The following TECRL variants were observed in gnomAD, a reference collection of about 807,000 sequenced individuals.
TECRL encodes trans-2,3-enoyl-CoA reductase like.
A neutral mutation model predicts 52.8 loss-of-function variants in TECRL; 63 were observed. That is an observed-to-expected ratio of 1.19 (90% CI 0.97 to 1.47). The LOEUF is 1.47. TECRL is among the 40% of genes most tolerant of loss of function. TECRL has a pLI of 0.00. For missense variants in TECRL, 482 were observed against 429.6 expected (o/e 1.12, Z -1.08); for synonymous variants, 164 against 141.9 (o/e 1.16, Z -1.10).
Position 64,382,833 on chromosome 4 carries a change from G to T in TECRL, c.235-7610C>A, listed in dbSNP as rs371282536. ...TGCAGTTTGGTGGTTTTCTGTAGCG[G>T]TAACATTTGAGTCCCTCCCTTTCTT... On this transcript the variant is annotated intron_variant, in intron 1 of 11. Transcript: ENST00000381210. 4.6e-5 allele frequency among the ~76,000 whole-genome samples: 7 copies of T among 151,944 alleles called. No homozygotes were observed. In the East Asian group the frequency reaches 1.2e-3, roughly 25 times the overall value.
intron 2 of TECRL, among the ~76,000 whole-genome samples, chr4:64,362,083 A>G (rs559079249): frequency 2.3e-4 from 35 of 152,310 alleles, no homozygotes; most frequent in African/African-American, 8.4e-4. Flanking sequence ...AATATAATTG[A>G]CCAAGCTGAG....
In TECRL at chr4:64,335,967, C is replaced by CT. The variant is rs200178106; in HGVS notation, c.287-7412dup. ...ATCGATGTTCATCATGGATATTGGT[C>CT]TTTTTTTTTGGTTGTTGTGTCTCTG... On this transcript the variant is annotated intron_variant, in intron 2 of 11. Coordinates refer to ENST00000381210, the MANE Select transcript of TECRL (RefSeq NM_001010874.5). Among the ~76,000 whole-genome samples the CT allele has an allele frequency of 4.7e-3, 710 of 151,024 alleles. 26 individuals carry two copies. The East Asian group carries it at 0.079, about 17-fold the overall frequency.
chr4:64,286,863 G>C (rs1382334762), intron 9 of TECRL, among the ~76,000 whole-genome samples: 2 of 152,160 alleles, frequency 1.3e-5, no homozygotes, highest in Non-Finnish European at 2.9e-5. Context: ...AAATGAAGAA[G>C]CTTGAGTTGA....
Position 64,305,021 on chromosome 4 carries a change from C to T in TECRL, c.730+145G>A, listed in dbSNP as rs1459520181. 9.1e-6 allele frequency: 5 copies of T among 551,936 alleles called. No individual in the cohort carries two copies. In the South Asian group the frequency reaches 1.4e-4, roughly 16 times the overall value. 34.2% of individuals were successfully genotyped at this position (551,936 alleles called of 1,614,324 possible). On this transcript the variant is annotated intron_variant, in intron 7 of 11. Transcript: ENST00000381210. Reference sequence around the variant, plus strand: ...GAGTCAAATTGGTCTTGTAGGCCTACATAAACATTTAAAGAAATATGATAT... The same window carrying T: ...GAGTCAAATTGGTCTTGTAGGCCTATATAAACATTTAAAGAAATATGATAT...
chr4:64,401,735 A>C (rs1315662317), intron 1 of TECRL, among the ~76,000 whole-genome samples: 2 of 152,208 alleles, frequency 1.3e-5, no homozygotes, highest in Non-Finnish European at 2.9e-5. Flanking sequence ...CTCTTGACAT[A>C]GTCACCACTT....
chr4:64,281,408 AC>A lies in TECRL; in HGVS notation c.918+65del, dbSNP rs1240184135. On this transcript the variant is annotated intron_variant, in intron 10 of 11. Transcript: ENST00000381210. Reference sequence around the variant, plus strand: ...ATATTAATTTATAATACATGTAAATACATAAGCACATGCATTTAGTATATCA... The same window carrying A: ...ATATTAATTTATAATACATGTAAATAATAAGCACATGCATTTAGTATATCA... The A allele has an allele frequency of 5.2e-5, 48 of 927,496 alleles. No homozygotes were observed. In the East Asian group the frequency reaches 1.2e-3, roughly 23 times the overall value. The allele number at this position is 927,496 out of a possible 1,614,324, so 57.5% of individuals were successfully genotyped here. A position where few individuals can be genotyped will look rare whatever the true frequency, so the allele number is the denominator to read the frequency against.
rs554653445 is a variant in TECRL, at chr4:64,394,693, G to A, written c.234+14425C>T. On this transcript the variant is annotated intron_variant, in intron 1 of 11. Transcript: ENST00000381210. ...GTCCTTAACCACTATACTACACTAC[G>A]TGGTGGAGGAGAGTAAAATGGAAAT... Among the ~76,000 whole-genome samples, 91 of 152,180 alleles carry A rather than the reference G, an allele frequency of 6.0e-4. No homozygotes were observed. The South Asian group carries it at 0.011, about 19-fold the overall frequency.
chr4:64,379,579 C>T (rs1364550343), intron 1 of TECRL, among the ~76,000 whole-genome samples: 1 of 152,076 alleles, frequency 6.6e-6, no homozygotes, highest in African/African-American at 2.4e-5. Context: ...GTAGAAGCTA[C>T]TTCTGTTATC....
chr4:64,328,170 A>G (rs1718389064), intron 3 of TECRL, among the ~76,000 whole-genome samples: 1 of 151,978 alleles, frequency 6.6e-6, no homozygotes, highest in South Asian at 2.1e-4. Flanking sequence ...AAGAAAAAGA[A>G]AAAATTGAAA....
chr4:64,383,645 T>C (rs1296166771), intron 1 of TECRL, among the ~76,000 whole-genome samples: 4 of 152,010 alleles, frequency 2.6e-5, no homozygotes, highest in Non-Finnish European at 4.4e-5. Context: ...ATTACAAATG[T>C]TTTTCTGATT....
chr4:64,276,998 G>A, downstream of TECRL: 1 of 1,459,492 alleles, frequency 6.9e-7, no homozygotes, highest in South Asian at 1.3e-5. Context: ...TTGACAACAA[G>A]ATGGTGTAAA....
In TECRL at chr4:64,312,593, C is replaced by G. The variant is rs188310670; in HGVS notation, c.551+2055G>C. On this transcript the variant is annotated intron_variant, in intron 5 of 11. Transcript: ENST00000381210. The stretch of plus-strand genomic sequence containing the variant: ...CCTGGGCAACATAATGAGACTTCAT[C>G]TCTAAAATTTTTTTTTAAGCATTAG... 1.8e-3 allele frequency among the ~76,000 whole-genome samples: 269 copies of G among 151,982 alleles called. 4 individuals are homozygous for G. Among genetic ancestry groups the G allele is most frequent in the African/African-American group, 6.0e-3 (248 of 41,478 alleles).
intron 6 of TECRL, among the ~76,000 whole-genome samples, chr4:64,307,470 C>G (rs1479721458): frequency 6.6e-6 from 1 of 152,140 alleles, no homozygotes; most frequent in Non-Finnish European, 1.5e-5. Flanking sequence ...CCAGAGGATA[C>G]AAGGACGAGG....
chr4:64,391,591 A>G (rs536527297), intron 1 of TECRL, among the ~76,000 whole-genome samples: 20 of 151,976 alleles, frequency 1.3e-4, no homozygotes, highest in Admixed American at 3.9e-4. Flanking sequence ...CATTCTTTTG[A>G]TACAACTTTA....
At chr4:64,320,304 A>T (rs1483901132) in intron 4 of TECRL, among the ~76,000 whole-genome samples, 3 of 151,928 alleles carry the variant, frequency 2.0e-5, no homozygotes, top group Admixed American at 1.3e-4. Context: ...TTTCCCTATT[A>T]TATTATTTAT....
intron 3 of TECRL, among the ~76,000 whole-genome samples, chr4:64,325,244 A>G (rs950846868): frequency 4.6e-5 from 7 of 152,160 alleles, no homozygotes; most frequent in Non-Finnish European, 8.8e-5. Flanking sequence ...CATAAAATGC[A>G]AAAGGGTGCT....
At chr4:64,315,154 C>G (rs1360657388) in intron 4 of TECRL, among the ~76,000 whole-genome samples, 1 of 151,776 alleles carries the variant, frequency 6.6e-6, no homozygotes, top group South Asian at 2.1e-4. Flanking sequence ...TTTTCTTTTT[C>G]TTTTTCTTAT....
chr4:64,395,161 C>T lies in TECRL; in HGVS notation c.234+13957G>A, dbSNP rs886851476. Among the ~76,000 whole-genome samples, 5 of 152,018 alleles carry T rather than the reference C, an allele frequency of 3.3e-5. 1 individual carries two copies. Among genetic ancestry groups the T allele is most frequent in the South Asian group, 4.2e-4 (2 of 4,814 alleles). On this transcript the variant is annotated intron_variant, in intron 1 of 11. Transcript: ENST00000381210. ...TCTCAAACTCCTGGCCTCAGGTGAT[C>T]CTCCTGTCTCAGCCCCCCAAATTGC...
chr4:64,294,744 ATTATT>A (rs1403809254), intron 8 of TECRL, among the ~76,000 whole-genome samples: 4 of 152,242 alleles, frequency 2.6e-5, no homozygotes, highest in Non-Finnish European at 1.5e-5. Flanking sequence ...TTCAGTTATT[ATTATT>A]TTATCTATAG....
Sources: allele counts gnomAD v4.1 joint callset (sites outside exome capture counted in the v4.1 genomes callset), GRCh38; gene constraint gnomAD v4.1.1; transcripts MANE v1.5; gene names NCBI Gene and HGNC (gene_info 2026-07-23, HGNC 2026-07-21).